LUZP2: variants seen among roughly 807,000 people sequenced by gnomAD.
LUZP2 encodes the protein leucine zipper protein 2.
A neutral mutation model predicts 51.6 loss-of-function variants in LUZP2; 52 were observed. The ratio of observed to expected loss-of-function variants is 1.01; its 90% CI spans 0.81 to 1.27. LUZP2 has a LOEUF of 1.27. Ranked by LOEUF, LUZP2 falls within the 50% of genes most tolerant of loss-of-function variation. The pLI is 0.00. For missense variants in LUZP2, 436 were observed against 395.4 expected, an observed-to-expected ratio of 1.10 and a Z score of -0.87; for synonymous variants, 154 against 137.3, an observed-to-expected ratio of 1.12 and a Z score of -0.85.
At chr11:24,504,581 G>A (rs1432514303) in intron 1 of LUZP2, among the ~76,000 whole-genome samples, 1 of 152,064 alleles carries the variant, frequency 6.6e-6, no homozygotes, top group Non-Finnish European at 1.5e-5. Context: ...GTGTCTCAGG[G>A]CACATAGCTG....
chr11:24,540,598 A>T (rs992976471), intron 1 of LUZP2, among the ~76,000 whole-genome samples: 1 of 152,114 alleles, frequency 6.6e-6, no homozygotes, highest in Admixed American at 6.6e-5. Flanking sequence ...CTGTTGTTTG[A>T]ACCACTCAGT....
intron 9 of LUZP2, among the ~76,000 whole-genome samples, chr11:25,015,605 A>G (rs1470476): frequency 0.4 from 60,273 of 151,968 alleles, 14,434 homozygotes; most frequent in East Asian, 0.77. Context: ...GATCTGTCAA[A>G]TGGGTTTTCA....
chr11:24,713,854 A>ATTTT (rs11357002), intron 1 of LUZP2, among the ~76,000 whole-genome samples: 4 of 57,470 alleles, frequency 7.0e-5, no homozygotes, highest in African/African-American at 2.0e-4. Flanking sequence ...ATGCCTGGCC[A>ATTTT]TTTTTTTTTT....
At chr11:25,004,020 A>G (rs1281049292) in intron 9 of LUZP2, among the ~76,000 whole-genome samples, 2 of 152,172 alleles carry the variant, frequency 1.3e-5, no homozygotes, top group Non-Finnish European at 2.9e-5. Context: ...ACAGGAGATT[A>G]GTACTGAGAA....
At chr11:24,660,577 T>A (rs1449390570) in intron 1 of LUZP2, among the ~76,000 whole-genome samples, 1 of 152,140 alleles carries the variant, frequency 6.6e-6, no homozygotes, top group African/African-American at 2.4e-5. Context: ...GGGGAGAGTG[T>A]CTGGATTAAA....
At chr11:24,515,250 G>T (rs2133786181) in intron 1 of LUZP2, among the ~76,000 whole-genome samples, 1 of 152,218 alleles carries the variant, frequency 6.6e-6, no homozygotes. Flanking sequence ...GGTAAGAGGA[G>T]AGAAGTGGTA....
At chr11:24,618,412 T>C (rs1854369374) in intron 1 of LUZP2, among the ~76,000 whole-genome samples, 1 of 152,160 alleles carries the variant, frequency 6.6e-6, no homozygotes, top group African/African-American at 2.4e-5. Context: ...GAGGTCAGAC[T>C]GCCTACTGGG....
At chr11:24,987,488 A>G (rs561080816) in intron 9 of LUZP2, among the ~76,000 whole-genome samples, 1 of 151,992 alleles carries the variant, frequency 6.6e-6, no homozygotes, top group South Asian at 2.1e-4. Flanking sequence ...GAAAACCCAT[A>G]TGTCACGCCA....
At chr11:24,699,695 ACACACACG>A (rs753006295) in intron 1 of LUZP2, among the ~76,000 whole-genome samples, 9 of 149,852 alleles carry the variant, frequency 6.0e-5, no homozygotes, top group Admixed American at 2.7e-4. Flanking sequence ...ACAGACACAC[ACACACACG>A]CACACATCAT....
chr11:24,658,538 C>T (rs1590307338), intron 1 of LUZP2, among the ~76,000 whole-genome samples: 1 of 152,194 alleles, frequency 6.6e-6, no homozygotes, highest in East Asian at 1.9e-4. Flanking sequence ...GTCTAAAACA[C>T]CAAAAGCAAT....
chr11:25,006,069 C>G (rs948338178), intron 9 of LUZP2, among the ~76,000 whole-genome samples: 1 of 149,604 alleles, frequency 6.7e-6, no homozygotes, highest in South Asian at 2.1e-4. Flanking sequence ...CCCTGCTTGT[C>G]TGAGAAGGGA....
intron 1 of LUZP2, among the ~76,000 whole-genome samples, chr11:24,555,586 A>T (rs1424837507): frequency 6.6e-6 from 1 of 152,318 alleles, no homozygotes; most frequent in East Asian, 1.9e-4. Context: ...CTAATTACAC[A>T]GAAGGATCAA....
At chr11:24,860,766 G>A (rs192393514) in intron 5 of LUZP2, among the ~76,000 whole-genome samples, 5 of 152,146 alleles carry the variant, frequency 3.3e-5, no homozygotes, top group East Asian at 1.9e-4. Flanking sequence ...CTGCATCAAC[G>A]ACAACAAAAG....
intron 5 of LUZP2, among the ~76,000 whole-genome samples, chr11:24,840,603 C>A (rs573492100): frequency 6.6e-6 from 1 of 151,822 alleles, no homozygotes; most frequent in East Asian, 1.9e-4. Context: ...TGATCCATAG[C>A]TCTACTGAAA....
At chr11:24,968,429 T>C (rs567720477) in intron 7 of LUZP2, among the ~76,000 whole-genome samples, 1 of 152,298 alleles carries the variant, frequency 6.6e-6, no homozygotes, top group South Asian at 2.1e-4. Flanking sequence ...TGCCAACAAC[T>C]CTTTAGTGCT....
At chr11:24,854,349 G>A (rs1851486347) in intron 5 of LUZP2, among the ~76,000 whole-genome samples, 2 of 152,222 alleles carry the variant, frequency 1.3e-5, no homozygotes, top group African/African-American at 2.4e-5. Context: ...GAGGCAGTCT[G>A]GCTACAGCAG....
At chr11:25,077,775 C>G (rs11028405) in intron 11 of LUZP2, among the ~76,000 whole-genome samples, 12 of 151,888 alleles carry the variant, frequency 7.9e-5, no homozygotes, top group Admixed American at 5.9e-4. Context: ...GGATTACAGG[C>G]GTGAGCCACC....
chr11:24,848,952 T>C (rs752876101), intron 5 of LUZP2, among the ~76,000 whole-genome samples: 2 of 152,002 alleles, frequency 1.3e-5, no homozygotes, highest in Non-Finnish European at 2.9e-5. Context: ...ATTAAGGCCA[T>C]ATATGACAAA....
At chr11:25,065,090 C>A (rs1236706256) in intron 10 of LUZP2, among the ~76,000 whole-genome samples, 2 of 151,942 alleles carry the variant, frequency 1.3e-5, no homozygotes, top group Non-Finnish European at 2.9e-5. Flanking sequence ...TTAGTGAATT[C>A]TTTCTTAAAT....
Sources: gnomAD v4.1 joint callset for allele counts (sites outside exome capture counted in the v4.1 genomes callset) on GRCh38, gnomAD v4.1.1 for gene constraint, MANE v1.5 for transcripts, NCBI Gene and HGNC (gene_info 2026-07-23, HGNC 2026-07-21) for gene names.